Variants in NET1 observed in about 807,000 individuals in gnomAD.
The protein encoded by NET1 is neuroepithelial cell-transforming gene 1 protein.
A neutral mutation model predicts 61.1 loss-of-function variants in NET1; 42 were observed. The ratio of observed to expected loss-of-function variants is 0.69; its 90% CI spans 0.54 to 0.89. NET1 has a LOEUF of 0.89. Ranked by LOEUF, NET1 falls within the 40% of genes least tolerant of loss-of-function variation. The probability of loss-of-function intolerance (pLI) is 0.00; values close to 1 mark genes in which losing one functional copy is unlikely to be tolerated. For missense variants in NET1, 654 were observed against 747.3 expected (o/e 0.88, Z 1.46); for synonymous variants, 254 against 281.8 (o/e 0.90, Z 0.99).
chr10:5,423,491 G>A lies in NET1; in HGVS notation c.129-3164G>A, dbSNP rs145842009. On this transcript the variant is annotated intron_variant, in intron 1 of 11. Coordinates refer to ENST00000355029, the MANE Select transcript of NET1 (RefSeq NM_001047160.3). The surrounding 1 kb of genome is among the most constrained non-coding windows in gnomAD (Gnocchi z 4.4). ...TGAAAGGAAAACATTAAAGGCCAAG[G>A]AAAATCTACAGGAGTCAAATCGGGA... Among the ~76,000 whole-genome samples the A allele has an allele frequency of 6.6e-6, 1 of 152,054 alleles. No homozygotes were observed. The highest frequency in any genetic ancestry group is 1.5e-5 in the Non-Finnish European group (1 of 67,990).
At position 5,446,800 on chromosome 10, in the gene NET1, C is replaced by T; in HGVS notation, c.256-5030C>T. 1 of 1,611,196 alleles carries T rather than the reference C, an allele frequency of 6.2e-7. No individual in the cohort carries two copies. The highest frequency in any genetic ancestry group is 8.5e-7 in the Non-Finnish European group (1 of 1,178,332). Reference sequence around the variant, plus strand: ...CATGATGAGACTGGAGGTCTCCTACCTATTAAAAGGACCATACGAGTCCTA... The same window carrying T: ...CATGATGAGACTGGAGGTCTCCTACTTATTAAAAGGACCATACGAGTCCTA... On this transcript the variant is annotated intron_variant, in intron 3 of 11. Coordinates refer to ENST00000355029, the MANE Select transcript of NET1 (RefSeq NM_001047160.3). The surrounding 1 kb of genome is among the most constrained non-coding windows in gnomAD (Gnocchi z 5.0).
rs78592715 is a variant in NET1 at position 5,433,929 on chromosome 10, A to G, written c.255+4700A>G. Among the ~76,000 whole-genome samples, 349 of 143,940 alleles carry G rather than the reference A, an allele frequency of 2.4e-3. 1 individual carries two copies. Among genetic ancestry groups the G allele is most frequent in the Non-Finnish European group, 4.6e-3 (294 of 64,564 alleles). The allele number at this position is 143,940 out of a possible 152,430, so 94.4% of individuals were successfully genotyped here. On this transcript the variant is annotated intron_variant, in intron 3 of 11. Transcript: ENST00000355029. ...TTTTCATTCTGAAATAATTTTTTTT[A>G]TTTTTAATTCTTAGTTCTATCACCT...
chr10:5,446,699 A>G lies in NET1; in HGVS notation c.256-5131A>G, dbSNP rs11558827. On this transcript the variant is annotated intron_variant, in intron 3 of 11. Transcript: ENST00000355029. The surrounding 1 kb of genome is among the most constrained non-coding windows in gnomAD (Gnocchi z 5.0). ...GGAAGAAAAGCCCGTGTGCCTCTGC[A>G]TAGCGTCGCTACAGCGCTGACTCGG... is the stretch of plus-strand genomic sequence containing the variant. 6,643 of 1,464,594 alleles carry G rather than the reference A, an allele frequency of 4.5e-3. 214 individuals are homozygous for G. In the East Asian group the frequency reaches 0.08, roughly 18 times the overall value. 90.7% of individuals were successfully genotyped at this position (1,464,594 alleles called of 1,614,324 possible).
In NET1 at chr10:5,435,510, T is replaced by C. The variant is rs7083577; in HGVS notation, c.255+6281T>C. On this transcript the variant is annotated intron_variant, in intron 3 of 11. Coordinates refer to ENST00000355029, the MANE Select transcript of NET1 (RefSeq NM_001047160.3). The surrounding 1 kb of genome is among the most constrained non-coding windows in gnomAD (Gnocchi z 5.0). ...ATAGATAGATAGATAGATAGATAGA[T>C]AGATAGATAGATAGATAGATAGACA... 0.27 allele frequency among the ~76,000 whole-genome samples: 17,246 copies of C among 63,160 alleles called. 1,264 individuals are homozygous for C. The highest frequency in any genetic ancestry group is 0.34 in the South Asian group (712 of 2,114). The allele number at this position is 63,160 out of a possible 152,430, so 41.4% of individuals were successfully genotyped here.
At chr10:5,418,109 T>C (rs1039498970) in intron 1 of NET1, among the ~76,000 whole-genome samples, 1 of 152,148 alleles carries the variant, frequency 6.6e-6, no homozygotes, top group Admixed American at 6.5e-5. Context: ...TGATCTGTAG[T>C]TTTATTATCT....
chr10:5,437,907 T>G lies in NET1; in HGVS notation c.255+8678T>G, dbSNP rs1485971764. Among the ~76,000 whole-genome samples the G allele has an allele frequency of 6.6e-6, 1 of 152,186 alleles. No homozygotes were observed. The highest frequency in any genetic ancestry group is 1.5e-5 in the Non-Finnish European group (1 of 68,026). On this transcript the variant is annotated intron_variant, in intron 3 of 11. Coordinates refer to ENST00000355029, the MANE Select transcript of NET1 (RefSeq NM_001047160.3). This position sits in a 1 kb window ranked among gnomAD's most constrained non-coding sequence, Gnocchi z 4.3. ...AAGACTGAAATCATACAGACTAATT[T>G]TTTTAACACAGAGAGTGAAACTAAA...
rs559095389 is a variant in NET1, at chr10:5,421,688, G to A, written c.129-4967G>A. On this transcript the variant is annotated intron_variant, in intron 1 of 11. Coordinates refer to ENST00000355029, the MANE Select transcript of NET1 (RefSeq NM_001047160.3). This position sits in a 1 kb window ranked among gnomAD's most constrained non-coding sequence, Gnocchi z 4.2. Reference sequence around the variant, plus strand: ...ATATCATAACATTCACCCTTTGTAGGTGAACAATTCAGTAATTATCAGTAA... The same window carrying A: ...ATATCATAACATTCACCCTTTGTAGATGAACAATTCAGTAATTATCAGTAA... Among the ~76,000 whole-genome samples the A allele has an allele frequency of 6.6e-6, 1 of 152,306 alleles. No individual in the cohort carries two copies. The highest frequency in any genetic ancestry group is 1.9e-4 in the East Asian group (1 of 5,194).
Position 5,415,540 on chromosome 10 carries a change from A to G in NET1, c.128+2720A>G, listed in dbSNP as rs984211984. 2.6e-5 allele frequency among the ~76,000 whole-genome samples: 4 copies of G among 151,516 alleles called. No individual in the cohort carries two copies. Among genetic ancestry groups the G allele is most frequent in the African/African-American group, 9.7e-5 (4 of 41,164 alleles). On this transcript the variant is annotated intron_variant, in intron 1 of 11. Coordinates refer to ENST00000355029, the MANE Select transcript of NET1 (RefSeq NM_001047160.3). The surrounding 1 kb of genome is among the most constrained non-coding windows in gnomAD (Gnocchi z 4.7). Reference sequence around the variant, plus strand: ...CTGCAACCTCCGCCTCCCGGGTTCAAGTGATTCTCCTGCCTCAGCCTACCA... The same window carrying G: ...CTGCAACCTCCGCCTCCCGGGTTCAGGTGATTCTCCTGCCTCAGCCTACCA...
chr10:5,414,761 C>G (rs1301603897), intron 1 of NET1, among the ~76,000 whole-genome samples: 1 of 152,146 alleles, frequency 6.6e-6, no homozygotes, highest in African/African-American at 2.4e-5. Context: ...AATGGTTGAA[C>G]AAGGATCCAA....
At position 5,415,034 on chromosome 10, in the gene NET1, C is replaced by T. The variant is rs1564456364; in HGVS notation, c.128+2214C>T. ...AGAATTAAATAACATATTCCTTTTC[C>T]AGAAAAGATGTAAGATCATCTACAA... is the stretch of plus-strand genomic sequence containing the variant. On this transcript the variant is annotated intron_variant, in intron 1 of 11. Coordinates refer to ENST00000355029, the MANE Select transcript of NET1 (RefSeq NM_001047160.3). The surrounding 1 kb of genome is among the most constrained non-coding windows in gnomAD (Gnocchi z 4.7). Among the ~76,000 whole-genome samples the T allele has an allele frequency of 6.6e-6, 1 of 152,008 alleles. No individual in the cohort carries two copies. The highest frequency in any genetic ancestry group is 1.5e-5 in the Non-Finnish European group (1 of 67,986).
Position 5,446,405 on chromosome 10 carries a change from G to A in NET1, c.256-5425G>A. Reference sequence around the variant, plus strand: ...TAACGTAACAATTTGTTTTACTTCGGGAATGCATTTTAAATCAGGAAGAGA... The same window carrying A: ...TAACGTAACAATTTGTTTTACTTCGAGAATGCATTTTAAATCAGGAAGAGA... On this transcript the variant is annotated intron_variant, in intron 3 of 11. Transcript: ENST00000355029. This position sits in a 1 kb window ranked among gnomAD's most constrained non-coding sequence, Gnocchi z 5.0. The A allele has an allele frequency of 9.9e-6, 2 of 201,712 alleles. No homozygotes were observed. The highest frequency in any genetic ancestry group is 1.8e-5 in the Non-Finnish European group (2 of 113,228). 12.5% of individuals were successfully genotyped at this position (201,712 alleles called of 1,614,324 possible). A position where few individuals can be genotyped will look rare whatever the true frequency, so the allele number is the denominator to read the frequency against.
intron 3 of NET1, among the ~76,000 whole-genome samples, chr10:5,450,983 T>C (rs1832693708): frequency 6.6e-6 from 1 of 152,204 alleles, no homozygotes; most frequent in South Asian, 2.1e-4. Flanking sequence ...TGAGAGAGGA[T>C]CTAATTTATC....
In NET1 at chr10:5,452,571, T is replaced by C. The variant is rs1168205292; in HGVS notation, c.531+46T>C. On this transcript the variant is annotated intron_variant, in intron 5 of 11. Transcript: ENST00000355029. The surrounding 1 kb of genome is among the most constrained non-coding windows in gnomAD (Gnocchi z 4.0). Reference sequence around the variant, plus strand: ...CATGTTTTCCCAAAAGAACAGCAAATTGATGCCGATGGCAAAATTAACTTG... The same window carrying C: ...CATGTTTTCCCAAAAGAACAGCAAACTGATGCCGATGGCAAAATTAACTTG... The C allele has an allele frequency of 1.3e-6, 2 of 1,551,466 alleles. No individual in the cohort carries two copies. Among genetic ancestry groups the C allele is most frequent in the African/African-American group, 1.4e-5 (1 of 72,752 alleles).
Position 5,442,470 on chromosome 10 carries a change from A to G in NET1, c.256-9360A>G, listed in dbSNP as rs1041145745. 2.6e-5 allele frequency among the ~76,000 whole-genome samples: 4 copies of G among 152,344 alleles called. No individual in the cohort carries two copies. In the East Asian group the frequency reaches 7.7e-4, roughly 29 times the overall value. On this transcript the variant is annotated intron_variant, in intron 3 of 11. Transcript: ENST00000355029. ...AAGTAACCTAACACTCCTTTTCTAT[A>G]CATAAGAGAAACATCTTTCTCTTTA...
Position 5,455,353 on chromosome 10 carries a change from A to T in NET1, c.1197+235A>T, listed in dbSNP as rs76288762. ...GTTTCGAAGCATAAATCAACTTGTT[A>T]GGCCAGGGGTTCCTGTCTAAATACA... On this transcript the variant is annotated intron_variant, in intron 10 of 11. Transcript: ENST00000355029. This position sits in a 1 kb window ranked among gnomAD's most constrained non-coding sequence, Gnocchi z 6.5. 6.5e-3 allele frequency among the ~76,000 whole-genome samples: 984 copies of T among 152,356 alleles called. 35 individuals are homozygous for T. In the East Asian group the frequency reaches 0.11, roughly 16 times the overall value.
Position 5,457,023 on chromosome 10 carries a change from G to C in NET1, c.*29G>C. On this transcript the variant is annotated 3_prime_UTR_variant, in exon 12 of 12. Coordinates refer to ENST00000355029, the MANE Select transcript of NET1 (RefSeq NM_001047160.3). The surrounding 1 kb of genome is among the most constrained non-coding windows in gnomAD (Gnocchi z 5.4). Reference sequence around the variant, plus strand: ...AGGCTCTGTGTGTTAACTGATGGGAGAGACTGTTTGTTTATAAATGTGTAC... The same window carrying C: ...AGGCTCTGTGTGTTAACTGATGGGACAGACTGTTTGTTTATAAATGTGTAC... 6.6e-7 allele frequency: 1 copy of C among 1,511,992 alleles called. No individual in the cohort carries two copies. Among genetic ancestry groups the C allele is most frequent in the Non-Finnish European group, 8.8e-7 (1 of 1,130,926 alleles). The allele number at this position is 1,511,992 out of a possible 1,614,324, so 93.7% of individuals were successfully genotyped here. A position where few individuals can be genotyped will look rare whatever the true frequency, so the allele number is the denominator to read the frequency against.
At chr10:5,429,330 G>GT (rs901352444) in intron 3 of NET1, 101 bp downstream of exon 3, 16 of 895,486 alleles carry the variant, frequency 1.8e-5, no homozygotes, top group Non-Finnish European at 2.4e-5. Context: ...GGGTTTTTTT[G>GT]TTTTTTTGTT....
rs1481395373 is a variant in NET1, at chr10:5,451,052, C to T, written c.256-778C>T. On this transcript the variant is annotated intron_variant, in intron 3 of 11. Transcript: ENST00000355029. The surrounding 1 kb of genome is among the most constrained non-coding windows in gnomAD (Gnocchi z 6.1). ...TATTCCTAAAATCTGTTAGTAATAG[C>T]TCAAACTGAGTATGTGCCAGGCACT... Among the ~76,000 whole-genome samples, 1 of 152,150 alleles carries T rather than the reference C, an allele frequency of 6.6e-6. No individual in the cohort carries two copies. Among genetic ancestry groups the T allele is most frequent in the Non-Finnish European group, 1.5e-5 (1 of 68,022 alleles).
In NET1 at chr10:5,416,089, C is replaced by T. The variant is rs1295424712; in HGVS notation, c.128+3269C>T. On this transcript the variant is annotated intron_variant, in intron 1 of 11. Coordinates refer to ENST00000355029, the MANE Select transcript of NET1 (RefSeq NM_001047160.3). The surrounding 1 kb of genome is among the most constrained non-coding windows in gnomAD (Gnocchi z 6.1). ...TTTGTATATAATGTGAGATGACGGTCCAACTTAATTCTTTTTCATGTGTCT... is the reference window on the plus strand; with the variant it reads ...TTTGTATATAATGTGAGATGACGGTTCAACTTAATTCTTTTTCATGTGTCT... Among the ~76,000 whole-genome samples the T allele has an allele frequency of 6.6e-6, 1 of 152,148 alleles. No individual in the cohort carries two copies. The highest frequency in any genetic ancestry group is 1.9e-4 in the East Asian group (1 of 5,194).
Sources: allele counts gnomAD v4.1 joint callset (sites outside exome capture counted in the v4.1 genomes callset), GRCh38; gene constraint gnomAD v4.1.1; non-coding constraint Gnocchi (gnomAD v3.1); transcripts MANE v1.5; gene names NCBI Gene and HGNC (gene_info 2026-07-23, HGNC 2026-07-21).